Variants in SNX29 observed in about 807,000 individuals in gnomAD.
The protein encoded by SNX29 is sorting nexin-29.
Under a neutral mutation model 102.1 loss-of-function variants are expected in SNX29, and 78 were observed. That is an observed-to-expected ratio of 0.76 (90% CI 0.64 to 0.92). The LOEUF (loss-of-function observed/expected upper bound fraction) is 0.92, where lower values mean the gene tolerates loss of function less well. Among genes scored for constraint, SNX29 ranks in the 40% least tolerant of loss-of-function variants. The pLI is 0.00. For missense variants in SNX29, 1,280 were observed against 1,061.7 expected, an observed-to-expected ratio of 1.21 and a Z score of -2.86; for synonymous variants, 580 against 414.5, an observed-to-expected ratio of 1.40 and a Z score of -4.85.
chr16:12,039,020 G>A (rs753032012), intron 4 of SNX29, among the ~76,000 whole-genome samples: 1 of 152,190 alleles, frequency 6.6e-6, no homozygotes, highest in Admixed American at 6.5e-5. Context: ...TGAGACACAA[G>A]ATAGTCTCGA....
chr16:11,997,183 G>A (rs1056134629), intron 1 of SNX29, among the ~76,000 whole-genome samples: 6 of 151,856 alleles, frequency 4.0e-5, no homozygotes, highest in African/African-American at 1.5e-4. Context: ...TTTGCTTTTT[G>A]CTCAAGCCAC....
At chr16:12,267,047 A>C (rs1163992865) in intron 14 of SNX29, among the ~76,000 whole-genome samples, 1 of 152,004 alleles carries the variant, frequency 6.6e-6, no homozygotes, top group Admixed American at 6.6e-5. Flanking sequence ...ACAGTGAGCC[A>C]CTCTGCGCAG....
chr16:12,408,184 A>AC (rs2084252562), intron 18 of SNX29, among the ~76,000 whole-genome samples: 2 of 150,260 alleles, frequency 1.3e-5, no homozygotes, highest in African/African-American at 2.4e-5. Context: ...AAACAAAAAA[A>AC]AAACTAGAAG....
intron 18 of SNX29, among the ~76,000 whole-genome samples, chr16:12,475,053 GC>G (rs1268107386): frequency 6.6e-6 from 1 of 152,240 alleles, no homozygotes; most frequent in African/African-American, 2.4e-5. Flanking sequence ...TCCTGGCATA[GC>G]TGCGCTATTC....
chr16:12,465,079 T>C (rs1407420017), intron 18 of SNX29, among the ~76,000 whole-genome samples: 2 of 152,336 alleles, frequency 1.3e-5, no homozygotes, highest in South Asian at 2.1e-4. Context: ...CCTTTGCCCA[T>C]TTTAAAATCA....
intron 18 of SNX29, among the ~76,000 whole-genome samples, chr16:12,405,617 A>C (rs756821749): frequency 2.0e-5 from 3 of 152,230 alleles, no homozygotes; most frequent in African/African-American, 7.2e-5. Flanking sequence ...AAATCAGAGC[A>C]TGTGTTTGGA....
intron 20 of SNX29, among the ~76,000 whole-genome samples, chr16:12,528,987 C>G (rs1055566441): frequency 6.6e-6 from 1 of 152,222 alleles, no homozygotes; most frequent in Non-Finnish European, 1.5e-5. Flanking sequence ...CACACTCTTC[C>G]ATTTTTAAAT....
intron 18 of SNX29, among the ~76,000 whole-genome samples, chr16:12,470,930 G>A (rs909158362): frequency 6.6e-6 from 1 of 152,204 alleles, no homozygotes; most frequent in Non-Finnish European, 1.5e-5. Flanking sequence ...ATTGGCATTG[G>A]CCTGCCTTAC....
rs146159011 is a variant in SNX29, at chr16:12,110,662, A to G, written c.1403-15971A>G. 3.9e-4 allele frequency among the ~76,000 whole-genome samples: 60 copies of G among 152,198 alleles called. No homozygotes were observed. The East Asian group carries it at 6.8e-3, about 17-fold the overall frequency. On this transcript the variant is annotated intron_variant, in intron 11 of 20. Coordinates refer to ENST00000566228, the MANE Select transcript of SNX29 (RefSeq NM_032167.5). The stretch of plus-strand genomic sequence containing the variant: ...AAAACACCCTGCTCCAGGGTGGTCA[A>G]TGTCACTTCACACAATGCCTTGGTA...
intron 18 of SNX29, among the ~76,000 whole-genome samples, chr16:12,438,176 A>G (rs1198342776): frequency 2.6e-5 from 4 of 152,094 alleles, no homozygotes; most frequent in Non-Finnish European, 2.9e-5. Flanking sequence ...GACTATCTTT[A>G]TTCTGACCTA....
chr16:12,207,328 C>G (rs1283832056), intron 14 of SNX29, among the ~76,000 whole-genome samples: 3 of 152,140 alleles, frequency 2.0e-5, no homozygotes, highest in African/African-American at 7.2e-5. Flanking sequence ...AAGATCGCAC[C>G]ACTTCACTCC....
chr16:12,461,175 G>C (rs2086761950), intron 18 of SNX29, among the ~76,000 whole-genome samples: 1 of 152,182 alleles, frequency 6.6e-6, no homozygotes, highest in Non-Finnish European at 1.5e-5. Flanking sequence ...ATCTCAGGCA[G>C]CCTTAGTCTT....
At chr16:12,400,500 C>T (rs2083897623) in intron 17 of SNX29, among the ~76,000 whole-genome samples, 2 of 152,174 alleles carry the variant, frequency 1.3e-5, no homozygotes, top group East Asian at 3.9e-4. Context: ...TCCACAAATG[C>T]TTATTCCCCT....
chr16:12,123,148 A>G lies in SNX29; in HGVS notation c.1403-3485A>G, dbSNP rs972532523. ...GCCTAATTTTTAAAAAATTTTAACT[A>G]TATGACAAAAATTGTATGTATTCAG... On this transcript the variant is annotated intron_variant, in intron 11 of 20. Coordinates refer to ENST00000566228, the MANE Select transcript of SNX29 (RefSeq NM_032167.5). 4.6e-5 allele frequency among the ~76,000 whole-genome samples: 7 copies of G among 152,268 alleles called. No homozygotes were observed. In the East Asian group the frequency reaches 1.4e-3, roughly 29 times the overall value.
At chr16:12,559,542 C>G (rs1050220478) in intron 20 of SNX29, among the ~76,000 whole-genome samples, 6 of 151,932 alleles carry the variant, frequency 3.9e-5, no homozygotes, top group Admixed American at 3.3e-4. Flanking sequence ...TCCCCACCCC[C>G]TACATCTGTG....
intron 11 of SNX29, among the ~76,000 whole-genome samples, chr16:12,112,679 G>A (rs981564849): frequency 2.0e-5 from 3 of 152,196 alleles, no homozygotes; most frequent in Non-Finnish European, 4.4e-5. Context: ...TGGGTTTTCA[G>A]TGTGAGTTTC....
intron 14 of SNX29, among the ~76,000 whole-genome samples, chr16:12,256,880 A>G (rs1336709878): frequency 6.6e-6 from 1 of 152,148 alleles, no homozygotes; most frequent in Non-Finnish European, 1.5e-5. Flanking sequence ...ATGATAGCTA[A>G]AGCAGAACAT....
intron 11 of SNX29, among the ~76,000 whole-genome samples, chr16:12,123,475 A>G (rs532859031): frequency 3.0e-4 from 45 of 152,316 alleles, no homozygotes; most frequent in Middle Eastern, 6.8e-3. Flanking sequence ...ACATATACAT[A>G]TACATCATAT....
intron 1 of SNX29, among the ~76,000 whole-genome samples, chr16:11,982,423 G>GTTTTTTTTTTTTTTTTTTTTT (rs60761477): frequency 6.6e-5 from 8 of 120,356 alleles, no homozygotes; most frequent in Non-Finnish European, 8.5e-5. Flanking sequence ...CTTTCCATCA[G>GTTTTTTTTTTTTTTTTTTTTT]TTTTTTTTTT....
Sources: gnomAD v4.1 joint callset for allele counts (sites outside exome capture counted in the v4.1 genomes callset) on GRCh38, gnomAD v4.1.1 for gene constraint, MANE v1.5 for transcripts, NCBI Gene and HGNC (gene_info 2026-07-23, HGNC 2026-07-21) for gene names.